Variants in MDM4 observed in about 807,000 individuals in gnomAD.
MDM4 encodes the protein MDM4 regulator of p53.
In MDM4, 2 loss-of-function variants were observed where a neutral mutation model predicts 60.2. The observed-to-expected ratio is 0.03, with a 90% CI of 0.01 to 0.10. The LOEUF (loss-of-function observed/expected upper bound fraction) is 0.10. Among genes scored for constraint, MDM4 ranks in the 10% least tolerant of loss-of-function variants. MDM4 has a pLI of 1.00. For missense variants in MDM4, 447 were observed against 577.5 expected, an observed-to-expected ratio of 0.77 and a Z score of 2.32; for synonymous variants, 202 against 198.1, an observed-to-expected ratio of 1.02 and a Z score of -0.17.
At chr1:204,534,984 A>G (rs753386261) in intron 5 of MDM4, among the ~76,000 whole-genome samples, 6 of 152,076 alleles carry the variant, frequency 3.9e-5, no homozygotes, top group Non-Finnish European at 7.4e-5. Flanking sequence ...CTGACTTGCA[A>G]TTGCATTGGT....
chr1:204,546,358 C>T (rs1662661436), intron 9 of MDM4, among the ~76,000 whole-genome samples: 1 of 152,120 alleles, frequency 6.6e-6, no homozygotes, highest in African/African-American at 2.4e-5. Flanking sequence ...TGCACCACCA[C>T]ACCTGGCTAA....
Position 204,530,826 on chromosome 1 carries a change from A to C in MDM4, c.287+9A>C. ...TCCGTGAAAGACCCAAGGTAAAAAC[A>C]GTGAGGGCTTGCGTATCTTTTTGGG... On this transcript the variant is annotated intron_variant, in intron 4 of 10. Transcript: ENST00000367182. 6.2e-7 allele frequency: 1 copy of C among 1,614,164 alleles called. No homozygotes were observed. The highest frequency in any genetic ancestry group is 8.5e-7 in the Non-Finnish European group (1 of 1,180,000).
chr1:204,554,654 C>T lies in MDM4; in HGVS notation c.*4972C>T, dbSNP rs894991909. On this transcript the variant is annotated 3_prime_UTR_variant, in exon 11 of 11. Coordinates refer to ENST00000367182, the MANE Select transcript of MDM4 (RefSeq NM_002393.5). ...CAGATGAGGGGGAATATTGAGGCCC[C>T]TAAGGCTAAACAAAATAATCAGTAT... 3.1e-5 allele frequency: 7 copies of T among 227,730 alleles called. No homozygotes were observed. Among genetic ancestry groups the T allele is most frequent in the African/African-American group, 1.6e-4 (7 of 45,076 alleles). The allele number at this position is 227,730 out of a possible 1,614,324, so 14.1% of individuals were successfully genotyped here.
chr1:204,550,966 C>T lies in MDM4; in HGVS notation c.*1284C>T. 1 of 185,070 alleles carries T rather than the reference C, an allele frequency of 5.4e-6. No homozygotes were observed. Among genetic ancestry groups the T allele is most frequent in the Non-Finnish European group, 1.1e-5 (1 of 87,272 alleles). 11.5% of individuals were successfully genotyped at this position (185,070 alleles called of 1,614,324 possible). On this transcript the variant is annotated 3_prime_UTR_variant, in exon 11 of 11. Coordinates refer to ENST00000367182, the MANE Select transcript of MDM4 (RefSeq NM_002393.5). ...AAATCAGACTTAACTTCCGTCAGAA[C>T]ATGTCTTGGTTTTAATTCAGATAAA...
rs779541672 is a variant in MDM4 at position 204,546,830 on chromosome 1, G to C, written c.856G>C (p.Asp286His). 6.2e-7 allele frequency: 1 copy of C among 1,613,320 alleles called. No homozygotes were observed. Among genetic ancestry groups the C allele is most frequent in the South Asian group, 1.1e-5 (1 of 90,988 alleles). The stretch of plus-strand genomic sequence containing the variant: ...AGTGGGAAAAAATGATGACCTGGAG[G>C]ACTCTAAGTCCTTAAGTGATGATAC... The part of the protein sequence containing the change: ...IEVGKNDDLE[D>H]SKSLSDDTDV... Residue 286 changes from aspartate to histidine, a missense_variant, in exon 10 of 11, where the codon GAC becomes CAC. Transcript: ENST00000367182.
At chr1:204,544,993 C>G (rs545156784) in intron 9 of MDM4, among the ~76,000 whole-genome samples, 10 of 152,316 alleles carry the variant, frequency 6.6e-5, no homozygotes, top group Admixed American at 5.9e-4. Flanking sequence ...AGCCTGTGGA[C>G]CACATGCGGC....
At chr1:204,535,510 T>C (rs936726479) in intron 5 of MDM4, among the ~76,000 whole-genome samples, 3 of 151,622 alleles carry the variant, frequency 2.0e-5, no homozygotes, top group Admixed American at 1.3e-4. Flanking sequence ...TGTATACAAA[T>C]GAAATAAATA....
chr1:204,526,296 T>C (rs541494972), intron 2 of MDM4, 64 bp from the exon 3 acceptor site: 2 of 1,397,960 alleles, frequency 1.4e-6, no homozygotes, highest in Non-Finnish European at 1.0e-6. Context: ...GAGGTTCTCT[T>C]GTTCCATAGT....
At chr1:204,543,427 T>C (rs915459024) in intron 8 of MDM4, among the ~76,000 whole-genome samples, 2 of 152,254 alleles carry the variant, frequency 1.3e-5, no homozygotes, top group Non-Finnish European at 2.9e-5. Context: ...TCACTTCCTG[T>C]CATTCTTCTT....
intron 3 of MDM4, among the ~76,000 whole-genome samples, chr1:204,526,651 G>C (rs751086179): frequency 6.6e-6 from 1 of 152,004 alleles, no homozygotes; most frequent in Non-Finnish European, 1.5e-5. Flanking sequence ...TTTTAGTAGA[G>C]ATGGGGTTTC....
At chr1:204,523,359 C>T (rs898546708) in intron 1 of MDM4, among the ~76,000 whole-genome samples, 13 of 147,812 alleles carry the variant, frequency 8.8e-5, no homozygotes, top group South Asian at 2.1e-4. Flanking sequence ...CCCAGCTACT[C>T]GGGAGGCTGA....
intron 9 of MDM4, among the ~76,000 whole-genome samples, chr1:204,546,218 T>A (rs965466956): frequency 1.3e-5 from 2 of 152,192 alleles, no homozygotes; most frequent in African/African-American, 4.8e-5. Flanking sequence ...TTAAATTGTT[T>A]TAGAGACAAG....
Position 204,551,044 on chromosome 1 carries a change from G to T in MDM4, c.*1362G>T. ...CTTCAGAAGCATCAGTTTTTGTTTT[G>T]TTTTGTTTTGTTTTTTGAGACAGGG... On this transcript the variant is annotated 3_prime_UTR_variant, in exon 11 of 11. Coordinates refer to ENST00000367182, the MANE Select transcript of MDM4 (RefSeq NM_002393.5). 5.4e-6 allele frequency: 1 copy of T among 186,464 alleles called. No homozygotes were observed. Among genetic ancestry groups the T allele is most frequent in the Non-Finnish European group, 1.1e-5 (1 of 88,532 alleles). 11.6% of individuals were successfully genotyped at this position (186,464 alleles called of 1,614,324 possible).
intron 8 of MDM4, among the ~76,000 whole-genome samples, chr1:204,544,214 T>C (rs962603993): frequency 1.3e-5 from 2 of 152,190 alleles, no homozygotes; most frequent in Admixed American, 1.3e-4. Context: ...TAGAAGGGAA[T>C]TTAGGGAATA....
Position 204,555,926 on chromosome 1 carries a change from GT to G in MDM4, c.*6255del, listed in dbSNP as rs34656478. ...CCCTAATTTCTTATCTGAAGGCACT[GT>G]TTTTTTTTTTAAACAGTTAAGTACT... On this transcript the variant is annotated 3_prime_UTR_variant, in exon 11 of 11. Coordinates refer to ENST00000367182, the MANE Select transcript of MDM4 (RefSeq NM_002393.5). 0.58 allele frequency: 108,624 copies of G among 187,160 alleles called. 33,000 individuals carry two copies. Among genetic ancestry groups the G allele is most frequent in the East Asian group, 0.68 (7,576 of 11,170 alleles). 11.6% of individuals were successfully genotyped at this position (187,160 alleles called of 1,614,324 possible).
At chr1:204,532,076 T>C in intron 4 of MDM4, 115 bp from the exon 5 acceptor site, 2 of 649,654 alleles carry the variant, frequency 3.1e-6, no homozygotes, top group Non-Finnish European at 5.4e-6. Flanking sequence ...TTGTATGCCT[T>C]ACAGAGAGAC....
At chr1:204,521,748 A>G (rs891695234) in intron 1 of MDM4, among the ~76,000 whole-genome samples, 1 of 152,214 alleles carries the variant, frequency 6.6e-6, no homozygotes, top group Non-Finnish European at 1.5e-5. Context: ...TAATGTTTCT[A>G]TCTACCATGT....
chr1:204,534,962 T>C (rs1661248785), intron 5 of MDM4, among the ~76,000 whole-genome samples: 1 of 152,124 alleles, frequency 6.6e-6, no homozygotes, highest in Admixed American at 6.6e-5. Flanking sequence ...TAATTCTGAT[T>C]GGTTATCTGT....
Position 204,551,890 on chromosome 1 carries a change from C to A in MDM4, c.*2208C>A. 1 of 195,396 alleles carries A rather than the reference C, an allele frequency of 5.1e-6. No individual in the cohort carries two copies. The highest frequency in any genetic ancestry group is 1.1e-5 in the Non-Finnish European group (1 of 94,296). 12.1% of individuals were successfully genotyped at this position (195,396 alleles called of 1,614,324 possible). A position where few individuals can be genotyped will look rare whatever the true frequency, so the allele number is the denominator to read the frequency against. On this transcript the variant is annotated 3_prime_UTR_variant, in exon 11 of 11. Coordinates refer to ENST00000367182, the MANE Select transcript of MDM4 (RefSeq NM_002393.5). Reference sequence around the variant, plus strand: ...AATCCTTGCCCTAGACAGGGGTGTCCAATCTTTTGGCTTCCCTGGTCCACA... The same window carrying A: ...AATCCTTGCCCTAGACAGGGGTGTCAAATCTTTTGGCTTCCCTGGTCCACA...
Sources: gnomAD v4.1 joint callset for allele counts (sites outside exome capture counted in the v4.1 genomes callset) on GRCh38, gnomAD v4.1.1 for gene constraint, MANE v1.5 for transcripts, NCBI Gene and HGNC (gene_info 2026-07-23, HGNC 2026-07-21) for gene names.